The following RHOBTB2 variants were observed in gnomAD, a reference collection of about 807,000 sequenced individuals.
RHOBTB2 encodes rho-related BTB domain-containing protein 2.
In RHOBTB2, 39 loss-of-function variants were observed where a neutral mutation model predicts 66.5. That is an observed-to-expected ratio of 0.59 (90% CI 0.45 to 0.77). The LOEUF (loss-of-function observed/expected upper bound fraction) is 0.77. Ranked by LOEUF, RHOBTB2 falls within the 30% of genes least tolerant of loss-of-function variation. The pLI, the probability that RHOBTB2 is intolerant of heterozygous loss-of-function variation, is 0.00. For synonymous variants in RHOBTB2, 390 were observed against 395.0 expected (o/e 0.99, Z 0.15); for missense variants, 755 against 999.1 (o/e 0.76, Z 3.29).
At chr8:22,984,130 A>G (rs967593868), upstream of RHOBTB2, among the ~76,000 whole-genome samples, 2 of 152,234 alleles carry the variant, frequency 1.3e-5, no homozygotes, top group Non-Finnish European at 2.9e-5. Context: ...GAGTGCAAAA[A>G]AAAACAGTAC....
At chr8:22,963,906 C>T in the RHOBTB2 span, among the ~76,000 whole-genome samples, 29 of 152,090 alleles carry the variant, frequency 1.9e-4, 2 homozygotes, top group Middle Eastern at 3.4e-3. Context: ...CTCAGCCTCC[C>T]GAGTAGCTGG....
chr8:22,985,361 T>G (rs1161000126), upstream of RHOBTB2, among the ~76,000 whole-genome samples: 1 of 152,240 alleles, frequency 6.6e-6, no homozygotes. Flanking sequence ...ATGAATCTCC[T>G]TTGTGCTCAA....
rs559373499 is a variant in RHOBTB2, at chr8:23,002,146, C to T, written c.-11+2041C>T. On this transcript the variant is annotated intron_variant, in intron 1 of 9. Transcript: ENST00000251822. ...CTACAGACCTACATGCTGGGAGAAT[C>T]GGAACTTGAGAAAGAAGTTCTTTTG... is the stretch of plus-strand genomic sequence containing the variant. 7.2e-5 allele frequency among the ~76,000 whole-genome samples: 11 copies of T among 152,306 alleles called. No individual in the cohort carries two copies. The East Asian group carries it at 7.7e-4, about 11-fold the overall frequency.
the RHOBTB2 span, among the ~76,000 whole-genome samples, chr8:22,976,242 T>C: frequency 3.3e-5 from 5 of 152,178 alleles, no homozygotes. Flanking sequence ...TAAAGTCCTT[T>C]ATTTAAGCCG....
At chr8:23,001,672 A>G (rs758022161) in intron 1 of RHOBTB2, among the ~76,000 whole-genome samples, 1 of 152,224 alleles carries the variant, frequency 6.6e-6, no homozygotes, top group Non-Finnish European at 1.5e-5. Flanking sequence ...GACTCTTCCA[A>G]TGTCTTCATA....
Position 23,007,327 on chromosome 8 carries a change from G to A in RHOBTB2, c.1082G>A (p.Gly361Asp). The change falls in exon 5 of 10, where the codon GGC becomes GAC. Residue 361 changes from glycine (G) to aspartate (D), a missense_variant. Gly to Asp is a moderately conservative substitution (Grantham distance 94). This residue lies in a region of RHOBTB2 where 247 missense variants were observed against 238.9 expected (regional missense o/e 1.03). Transcript: ENST00000251822. ...VDEAGGSGPAGLRASTSDGIL... is the reference protein window; with the variant it reads ...VDEAGGSGPADLRASTSDGIL... ...GAGGCTGGGGGCTCCGGTCCTGCTG[G>A]CCTCCGTGCTTCCACCAGCGACGGG... 1 of 1,613,684 alleles carries A rather than the reference G, an allele frequency of 6.2e-7. No individual in the cohort carries two copies. The highest frequency in any genetic ancestry group is 2.2e-5 in the East Asian group (1 of 44,886).
chr8:23,006,545 T>A lies in RHOBTB2; in HGVS notation c.483-183T>A. 1.6e-6 allele frequency: 1 copy of A among 636,220 alleles called. No homozygotes were observed. The highest frequency in any genetic ancestry group is 3.0e-5 in the Admixed American group (1 of 33,336). The allele number at this position is 636,220 out of a possible 1,614,324, so 39.4% of individuals were successfully genotyped here. ...GCCTGGCATAGTAGGGAAAGCTTTC[T>A]GGAAGAAAAAGGGCTTGGAGTGGAC... On this transcript the variant is annotated intron_variant, in intron 4 of 9. Coordinates refer to ENST00000251822, the MANE Select transcript of RHOBTB2 (RefSeq NM_015178.3). The surrounding 1 kb of genome is among the most constrained non-coding windows in gnomAD (Gnocchi z 6.1).
the RHOBTB2 span, among the ~76,000 whole-genome samples, chr8:22,958,690 A>T: frequency 6.7e-6 from 1 of 148,208 alleles, no homozygotes; most frequent in African/African-American, 2.5e-5. Flanking sequence ...GGTTCCGGCT[A>T]CATGGGAGGC....
At position 23,018,156 on chromosome 8, in the gene RHOBTB2, C is replaced by T. The variant is rs952447839; in HGVS notation, c.*687C>T. 6.6e-6 allele frequency: 1 copy of T among 152,464 alleles called. No homozygotes were observed. The highest frequency in any genetic ancestry group is 1.5e-5 in the Non-Finnish European group (1 of 68,236). The allele number at this position is 152,464 out of a possible 1,614,324, so 9.4% of individuals were successfully genotyped here. On this transcript the variant is annotated 3_prime_UTR_variant, in exon 10 of 10. Transcript: ENST00000251822. ...AGAGCTCCAGGCCTGGAAGCAGTGC[C>T]TCTTGGTGCAACAAGAAACTTCTCC...
intron 6 of RHOBTB2, 146 bp downstream of exon 6, chr8:23,008,257 C>T (rs1681579820): frequency 3.2e-6 from 2 of 632,670 alleles, no homozygotes; most frequent in East Asian, 2.7e-5. Flanking sequence ...TGAGGTGGTT[C>T]TTGGAGCTAA....
chr8:23,004,859 ACT>A lies in RHOBTB2; in HGVS notation c.192+235_192+236del. On this transcript the variant is annotated intron_variant, in intron 2 of 9. Coordinates refer to ENST00000251822, the MANE Select transcript of RHOBTB2 (RefSeq NM_015178.3). The surrounding 1 kb of genome is among the most constrained non-coding windows in gnomAD (Gnocchi z 6.4). ...TTCAGGGACTGAGCTGGTGCCTGGG[ACT>A]CCATCTTTGTCTGGGGTACCGCATT... 1.7e-6 allele frequency: 1 copy of A among 579,538 alleles called. No homozygotes were observed. Among genetic ancestry groups the A allele is most frequent in the Non-Finnish European group, 3.1e-6 (1 of 324,208 alleles). 35.9% of individuals were successfully genotyped at this position (579,538 alleles called of 1,614,324 possible).
the RHOBTB2 span, among the ~76,000 whole-genome samples, chr8:22,965,683 G>C: frequency 6.6e-6 from 1 of 152,130 alleles, no homozygotes; most frequent in African/African-American, 2.4e-5. Context: ...ATGAGGGAAG[G>C]ATAGTCTTTT....
the RHOBTB2 span, among the ~76,000 whole-genome samples, chr8:22,966,114 G>A: frequency 1.3e-5 from 2 of 152,008 alleles, no homozygotes; most frequent in African/African-American, 2.4e-5. Context: ...ACTTTGGGAG[G>A]CCGAGGTGGG....
rs142595330 is a variant in RHOBTB2, at chr8:23,018,912, G to C, written c.*1443G>C. On this transcript the variant is annotated 3_prime_UTR_variant, in exon 10 of 10. Transcript: ENST00000251822. Reference sequence around the variant, plus strand: ...GGAAAAGCAGAGTTGGTCTAGAGAGGAGGAGGGCGGGGCTGGAGGAATGTG... The same window carrying C: ...GGAAAAGCAGAGTTGGTCTAGAGAGCAGGAGGGCGGGGCTGGAGGAATGTG... 7.9e-3 allele frequency: 1,209 copies of C among 152,998 alleles called. 12 individuals carry two copies. Among genetic ancestry groups the C allele is most frequent in the Non-Finnish European group, 0.012 (836 of 68,294 alleles). 9.5% of individuals were successfully genotyped at this position (152,998 alleles called of 1,614,324 possible).
the RHOBTB2 span, among the ~76,000 whole-genome samples, chr8:22,964,985 T>G: frequency 6.6e-6 from 1 of 151,904 alleles, no homozygotes; most frequent in Non-Finnish European, 1.5e-5. Context: ...CCAGGCTAAT[T>G]TTTGTATTTT....
the RHOBTB2 span, among the ~76,000 whole-genome samples, chr8:22,957,076 C>T: frequency 2.8e-4 from 42 of 152,142 alleles, 3 homozygotes; most frequent in Non-Finnish European, 8.8e-5. Context: ...TCAGTCTTTC[C>T]TTGTCTTTCA....
At chr8:23,014,851 A>C in intron 8 of RHOBTB2, 73 bp downstream of exon 8, 2 of 1,223,630 alleles carry the variant, frequency 1.6e-6, no homozygotes, top group Non-Finnish European at 2.4e-6. Flanking sequence ...TGCGAATGGG[A>C]AGGGGTGGAA....
rs1034991465 is a variant in RHOBTB2 at position 23,006,267 on chromosome 8, T to C, written c.482+122T>C. 4 of 837,172 alleles carry C rather than the reference T, an allele frequency of 4.8e-6. No homozygotes were observed. In the East Asian group the frequency reaches 7.4e-5, roughly 15 times the overall value. 51.9% of individuals were successfully genotyped at this position (837,172 alleles called of 1,614,324 possible). On this transcript the variant is annotated intron_variant, in intron 4 of 9. Coordinates refer to ENST00000251822, the MANE Select transcript of RHOBTB2 (RefSeq NM_015178.3). The surrounding 1 kb of genome is among the most constrained non-coding windows in gnomAD (Gnocchi z 6.1). ...TCCCTCCATTTGGAGCAAGCTTGCA[T>C]TGGGAGTCAACAAGCATGCTCATTC...
the RHOBTB2 span, among the ~76,000 whole-genome samples, chr8:22,971,821 ACT>A: frequency 6.6e-6 from 1 of 151,458 alleles, no homozygotes. Context: ...GATAACCTCC[ACT>A]CTTCTCCTGC....
Sources: gnomAD v4.1 joint callset for allele counts (sites outside exome capture counted in the v4.1 genomes callset) on GRCh38, gnomAD v4.1.1 for gene constraint, gnomAD v4.1.1 regional missense constraint, Gnocchi (gnomAD v3.1) non-coding constraint, MANE v1.5 for transcripts, NCBI Gene and HGNC (gene_info 2026-07-23, HGNC 2026-07-21) for gene names.